Variants in CHRM3 observed in about 807,000 individuals in gnomAD.
CHRM3 encodes the protein muscarinic acetylcholine receptor M3.
CHRM3 carries 11 observed loss-of-function variants against 41.8 expected under a neutral mutation model. That is an observed-to-expected ratio of 0.26 (90% confidence interval 0.17 to 0.44). The LOEUF (loss-of-function observed/expected upper bound fraction) is 0.44, where lower values mean the gene tolerates loss of function less well. Among genes scored for constraint, CHRM3 ranks in the 20% least tolerant of loss-of-function variants. CHRM3 has a pLI of 1.00. For synonymous variants in CHRM3, 297 were observed against 301.4 expected (o/e 0.99, Z 0.15); for missense variants, 571 against 745.4 (o/e 0.77, Z 2.72).
chr1:239,693,567 G>T (rs1280047224), intron 5 of CHRM3, among the ~76,000 whole-genome samples: 1 of 152,114 alleles, frequency 6.6e-6, no homozygotes, highest in Non-Finnish European at 1.5e-5. Flanking sequence ...ATATTTAGAG[G>T]CAAGTTTGCT....
chr1:239,763,305 A>C (rs1297913719), intron 5 of CHRM3, among the ~76,000 whole-genome samples: 1 of 152,228 alleles, frequency 6.6e-6, no homozygotes, highest in African/African-American at 2.4e-5. Flanking sequence ...ATGCTTTACT[A>C]ACTGCTTTTA....
chr1:239,845,446 G>A (rs1256720730), intron 6 of CHRM3, among the ~76,000 whole-genome samples: 1 of 152,122 alleles, frequency 6.6e-6, no homozygotes, highest in Non-Finnish European at 1.5e-5. Context: ...ACCTAGTCCT[G>A]CTGGGCCTGA....
At chr1:239,569,484 A>G (rs529421299) in intron 3 of CHRM3, among the ~76,000 whole-genome samples, 2 of 152,294 alleles carry the variant, frequency 1.3e-5, no homozygotes, top group Non-Finnish European at 1.5e-5. Flanking sequence ...CGATAACACA[A>G]ATTAGTAGGA....
In CHRM3 at chr1:239,908,455, A is replaced by G. The variant is rs2103051634; in HGVS notation, c.1004A>G (p.Asp335Gly). 1 of 1,613,452 alleles carries G rather than the reference A, an allele frequency of 6.2e-7. No individual in the cohort carries two copies. The highest frequency in any genetic ancestry group is 8.5e-7 in the Non-Finnish European group (1 of 1,179,796). Residue 335 changes from aspartate to glycine, a missense_variant, in exon 7 of 7, where the codon GAC (aspartate) becomes GGC (glycine). Transcript: ENST00000676153. The surrounding 1 kb of genome is among the most constrained non-coding windows in gnomAD (Gnocchi z 7.2). ...ATGGACCAAGACCACAGCAGCAGTG[A>G]CAGTTGGAACAACAATGATGCTGCT... ...EQMDQDHSSS[D>G]SWNNNDAAAS...
At chr1:239,812,410 G>A (rs1343410460) in intron 5 of CHRM3, among the ~76,000 whole-genome samples, 1 of 152,142 alleles carries the variant, frequency 6.6e-6, no homozygotes. Flanking sequence ...AGCAGTGGTG[G>A]CATTAGGTAA....
At chr1:239,811,293 G>A (rs1572370115) in intron 5 of CHRM3, among the ~76,000 whole-genome samples, 2 of 152,172 alleles carry the variant, frequency 1.3e-5, no homozygotes, top group Admixed American at 6.5e-5. Context: ...GCCAGAAAGC[G>A]TGCTGACATG....
intron 3 of CHRM3, among the ~76,000 whole-genome samples, chr1:239,623,115 AG>A (rs1668568477): frequency 6.6e-6 from 1 of 152,262 alleles, no homozygotes; most frequent in Admixed American, 6.5e-5. Context: ...CTAGCAATAA[AG>A]GTTTTTTTTT....
intron 3 of CHRM3, among the ~76,000 whole-genome samples, chr1:239,585,656 A>G (rs1173421133): frequency 6.6e-6 from 1 of 152,186 alleles, no homozygotes; most frequent in East Asian, 1.9e-4. Flanking sequence ...CAGGTATACT[A>G]CTACTCTCCT....
chr1:239,536,836 T>A (rs1338455194), intron 2 of CHRM3, among the ~76,000 whole-genome samples: 3 of 152,218 alleles, frequency 2.0e-5, no homozygotes, highest in Non-Finnish European at 4.4e-5. Flanking sequence ...GTGGACGGCT[T>A]AGAAGAGGTT....
intron 3 of CHRM3, among the ~76,000 whole-genome samples, chr1:239,574,881 A>G (rs1333755981): frequency 6.6e-6 from 1 of 151,904 alleles, no homozygotes; most frequent in East Asian, 1.9e-4. Context: ...TATATTAGGC[A>G]TTCAAAATTA....
intron 6 of CHRM3, among the ~76,000 whole-genome samples, chr1:239,901,321 G>C (rs1339917338): frequency 6.6e-6 from 1 of 151,454 alleles, no homozygotes; most frequent in Admixed American, 6.6e-5. Flanking sequence ...TCTGGCTTCG[G>C]AAACTTTGGG....
At chr1:239,399,441 T>A (rs1659777032) in intron 1 of CHRM3, among the ~76,000 whole-genome samples, 1 of 151,920 alleles carries the variant, frequency 6.6e-6, no homozygotes, top group African/African-American at 2.4e-5. Flanking sequence ...GTACAATAGA[T>A]CTCTCAAACT....
chr1:239,858,287 C>T (rs929411289), intron 6 of CHRM3, among the ~76,000 whole-genome samples: 1 of 152,154 alleles, frequency 6.6e-6, no homozygotes, highest in Non-Finnish European at 1.5e-5. Flanking sequence ...TATGTTGAGT[C>T]ATCCCTTTCC....
At chr1:239,551,370 C>T (rs954776018) in intron 3 of CHRM3, among the ~76,000 whole-genome samples, 6 of 151,632 alleles carry the variant, frequency 4.0e-5, no homozygotes, top group Admixed American at 3.9e-4. Flanking sequence ...CCATGTTGGT[C>T]AGGCTGGTCT....
intron 5 of CHRM3, among the ~76,000 whole-genome samples, chr1:239,793,482 T>C (rs1473417295): frequency 2.0e-5 from 3 of 152,180 alleles, no homozygotes; most frequent in Non-Finnish European, 4.4e-5. Flanking sequence ...TAAAAACTGA[T>C]GATAAACAAT....
chr1:239,403,940 G>GGAGA (rs1411998706), intron 1 of CHRM3, among the ~76,000 whole-genome samples: 2 of 133,598 alleles, frequency 1.5e-5, no homozygotes, highest in Non-Finnish European at 3.1e-5. Context: ...GGAAGGAGGG[G>GGAGA]GAGAGAGAGA....
intron 6 of CHRM3, among the ~76,000 whole-genome samples, chr1:239,896,897 G>A (rs979293880): frequency 1.3e-5 from 2 of 152,140 alleles, no homozygotes; most frequent in Non-Finnish European, 2.9e-5. Context: ...GCTCTTGTTA[G>A]GCATGAAAAA....
At position 239,821,865 on chromosome 1, in the gene CHRM3, G is replaced by A. The variant is rs139920901; in HGVS notation, c.-146-5387G>A. Among the ~76,000 whole-genome samples, 151 of 152,264 alleles carry A rather than the reference G, an allele frequency of 9.9e-4. No individual in the cohort carries two copies. The South Asian group carries it at 0.012, about 13-fold the overall frequency. ...TGGAGGTAACTGGATCATGGGGTCA[G>A]TTTCCTCCATGCCATCCTCGTGATA... On this transcript the variant is annotated intron_variant, in intron 5 of 6. Transcript: ENST00000676153.
At chr1:239,793,286 T>C (rs1295813465) in intron 5 of CHRM3, among the ~76,000 whole-genome samples, 1 of 152,222 alleles carries the variant, frequency 6.6e-6, no homozygotes, top group Non-Finnish European at 1.5e-5. Flanking sequence ...CAATTTAGTG[T>C]GCTGCTGGGA....
Sources: gnomAD v4.1 joint callset for allele counts (sites outside exome capture counted in the v4.1 genomes callset) on GRCh38, gnomAD v4.1.1 for gene constraint, Gnocchi (gnomAD v3.1) non-coding constraint, MANE v1.5 for transcripts, NCBI Gene and HGNC (gene_info 2026-07-23, HGNC 2026-07-21) for gene names.